The following CABYR variants were observed in gnomAD, a reference collection of about 807,000 sequenced individuals.
The protein encoded by CABYR is calcium-binding tyrosine phosphorylation-regulated protein.
CABYR carries 31 observed loss-of-function variants against 36.1 expected under a neutral mutation model. That is an observed-to-expected ratio of 0.86 (90% CI 0.64 to 1.16). CABYR has a LOEUF of 1.16. CABYR is among the 50% of genes most tolerant of loss of function. The probability of loss-of-function intolerance (pLI) is 0.00; values close to 1 mark genes in which losing one functional copy is unlikely to be tolerated. For synonymous variants in CABYR, 146 were observed against 160.7 expected, an observed-to-expected ratio of 0.91 and a Z score of 0.69; for missense variants, 429 against 455.8, an observed-to-expected ratio of 0.94 and a Z score of 0.53.
intron 3 of CABYR, among the ~76,000 whole-genome samples, chr18:24,146,337 C>T (rs2085457902): frequency 6.6e-6 from 1 of 152,104 alleles, no homozygotes; most frequent in South Asian, 2.1e-4. Flanking sequence ...AACGAGCCAA[C>T]AGACAACAAC....
At chr18:24,156,205 T>C (rs1176830004) in intron 4 of CABYR, 163 bp downstream of exon 4, 4 of 1,613,828 alleles carry the variant, frequency 2.5e-6, no homozygotes, top group East Asian at 2.2e-5. Context: ...GAAGTGCAGG[T>C]TGTGAACCAA....
chr18:24,160,765 GAC>G (rs1336679646), intron 5 of CABYR: 4 of 152,452 alleles, frequency 2.6e-5, no homozygotes, highest in Non-Finnish European at 4.4e-5. Context: ...ACAGGGTGCT[GAC>G]ACAGGCCTAC....
intron 1 of CABYR, chr18:24,139,531 C>G (rs2085249331): frequency 6.6e-6 from 1 of 152,288 alleles, no homozygotes; most frequent in Non-Finnish European, 1.5e-5. Flanking sequence ...CATCGTATTT[C>G]TCGCTTAAGG....
Position 24,147,419 on chromosome 18 carries a change from A to G in CABYR, c.199+4006A>G, listed in dbSNP as rs181830016. On this transcript the variant is annotated intron_variant, in intron 3 of 5. Coordinates refer to ENST00000399496, the MANE Select transcript of CABYR (RefSeq NM_153769.3). Reference sequence around the variant, plus strand: ...CCTCAAGATTGGGACCAGGACAAAGATCTCCAATGTTACGATTTCTATTTA... The same window carrying G: ...CCTCAAGATTGGGACCAGGACAAAGGTCTCCAATGTTACGATTTCTATTTA... Among the ~76,000 whole-genome samples, 45 of 152,312 alleles carry G rather than the reference A, an allele frequency of 3.0e-4. 1 individual carries two copies. The highest frequency in any genetic ancestry group is 9.9e-4 in the African/African-American group (41 of 41,568).
chr18:24,157,015 A>G, intron 4 of CABYR: 1 of 1,573,804 alleles, frequency 6.4e-7, no homozygotes. Context: ...AAAATCAGGT[A>G]TTTCCATTAC....
intron 3 of CABYR, among the ~76,000 whole-genome samples, chr18:24,151,708 A>AAGAC (rs1359859824): frequency 2.1e-5 from 2 of 96,830 alleles, no homozygotes; most frequent in African/African-American, 9.9e-5. Context: ...TTTTTTTTTA[A>AAGAC]AGACAGAGTC....
chr18:24,156,361 T>TTA, intron 4 of CABYR: 1 of 1,614,192 alleles, frequency 6.2e-7, no homozygotes, highest in African/African-American at 1.3e-5. Flanking sequence ...GATATTGAGG[T>TTA]TATGTCAACT....
At chr18:24,146,564 T>C (rs943422747) in intron 3 of CABYR, among the ~76,000 whole-genome samples, 1 of 143,482 alleles carries the variant, frequency 7.0e-6, no homozygotes, top group African/African-American at 2.9e-5. Flanking sequence ...AAAAGGTCTA[T>C]GTCATTGCAG....
At position 24,156,062 on chromosome 18, in the gene CABYR, TTCTGATCAA is replaced by T. The variant is rs781554283; in HGVS notation, c.541+27_541+35del. The stretch of plus-strand genomic sequence containing the variant: ...TGTTAGGTAAAGTTTCATCTATTCA[TTCTGATCAA>T]TCTGATGTGTTAATGGTGGATGTGG... On this transcript the variant is annotated intron_variant, in intron 4 of 5. Transcript: ENST00000399496. The T allele has an allele frequency of 1.4e-5, 22 of 1,614,090 alleles. No homozygotes were observed. The highest frequency in any genetic ancestry group is 1.7e-5 in the Non-Finnish European group (20 of 1,180,042).
intron 3 of CABYR, among the ~76,000 whole-genome samples, chr18:24,154,680 G>A (rs1363967497): frequency 6.6e-6 from 1 of 152,200 alleles, no homozygotes; most frequent in Non-Finnish European, 1.5e-5. Context: ...TTAGAGAAAT[G>A]CTTCCCAAAG....
chr18:24,144,649 C>T (rs1176245978), intron 3 of CABYR, among the ~76,000 whole-genome samples: 1 of 152,114 alleles, frequency 6.6e-6, no homozygotes, highest in Non-Finnish European at 1.5e-5. Flanking sequence ...CCAGTTATGC[C>T]TCTACCAGAG....
At chr18:24,149,915 C>G (rs552215718) in intron 3 of CABYR, among the ~76,000 whole-genome samples, 8 of 152,340 alleles carry the variant, frequency 5.3e-5, no homozygotes, top group South Asian at 4.1e-4. Context: ...CGCGCAGCCC[C>G]GGTTCCCGCT....
chr18:24,159,963 A>T lies in CABYR; in HGVS notation c.1033A>T (p.Ser345Cys). The T allele has an allele frequency of 6.2e-7, 1 of 1,614,184 alleles. No homozygotes were observed. Among genetic ancestry groups the T allele is most frequent in the Non-Finnish European group, 8.5e-7 (1 of 1,180,032 alleles). Residue 345 changes from serine (S) to cysteine (C), a missense_variant, in exon 5 of 6, where the codon AGT becomes TGT. By Grantham distance (112) the Ser-to-Cys change is moderately radical. Transcript: ENST00000399496. ...CCCAGTAGAAGATGTAGCTAAAAAA[A>T]GTTCAGGATCTGGTGACAAATGTGC... ...AFPVEDVAKK[S>C]SGSGDKCAPF... is the part of the protein sequence containing the mutation.
intron 3 of CABYR, among the ~76,000 whole-genome samples, chr18:24,146,295 CT>C (rs2085456332): frequency 1.3e-5 from 2 of 152,138 alleles, no homozygotes; most frequent in Admixed American, 6.5e-5. Context: ...AATTATATGG[CT>C]TTATTAGAAG....
chr18:24,156,473 T>C lies in CABYR; in HGVS notation c.541+431T>C, dbSNP rs185230660. 71 of 1,614,200 alleles carry C rather than the reference T, an allele frequency of 4.4e-5. No individual in the cohort carries two copies. In the Admixed American group the frequency reaches 9.3e-4, roughly 21 times the overall value. On this transcript the variant is annotated intron_variant, in intron 4 of 5. Coordinates refer to ENST00000399496, the MANE Select transcript of CABYR (RefSeq NM_153769.3). ...TAGTTATCCCTTTTACTGATCAAGT[T>C]GCTTGTCTTAAAGAAAATGAGCAGT...
At chr18:24,159,045 T>A (rs2085875238) in intron 4 of CABYR, among the ~76,000 whole-genome samples, 2 of 152,198 alleles carry the variant, frequency 1.3e-5, no homozygotes, top group Non-Finnish European at 2.9e-5. Flanking sequence ...TGACACCTAG[T>A]GCTAACTTCT....
chr18:24,146,660 G>A (rs73406164), intron 3 of CABYR, among the ~76,000 whole-genome samples: 1,895 of 152,270 alleles, frequency 0.012, 46 homozygotes, highest in African/African-American at 0.044. Flanking sequence ...GGTTCAAGAA[G>A]TCTAATGAAC....
At chr18:24,139,983 G>T (rs2085264441) in intron 1 of CABYR, 1 of 150,000 alleles carries the variant, frequency 6.7e-6, no homozygotes. Context: ...AGGCTGGAGT[G>T]CAGTGGCGCG....
At chr18:24,140,079 C>T (rs1292785968) in intron 1 of CABYR, 1 of 152,210 alleles carries the variant, frequency 6.6e-6, no homozygotes, top group East Asian at 1.9e-4. Flanking sequence ...GCACCCGCCA[C>T]CACGCCCGGC....
Sources: gnomAD v4.1 joint callset for allele counts (sites outside exome capture counted in the v4.1 genomes callset) on GRCh38, gnomAD v4.1.1 for gene constraint, MANE v1.5 for transcripts, NCBI Gene and HGNC (gene_info 2026-07-23, HGNC 2026-07-21) for gene names.